Variants in ARPC2 observed in about 807,000 individuals in gnomAD.
ARPC2 encodes actin-related protein 2/3 complex subunit 2.
A neutral mutation model predicts 38.6 loss-of-function variants in ARPC2; 4 were observed. The observed-to-expected ratio is 0.10, with a 90% CI of 0.05 to 0.24. The LOEUF (loss-of-function observed/expected upper bound fraction) is 0.24, where lower values mean the gene tolerates loss of function less well. Ranked by LOEUF, ARPC2 falls within the 10% of genes least tolerant of loss-of-function variation. The pLI is 1.00. For synonymous variants in ARPC2, 125 were observed against 140.8 expected (o/e 0.89, Z 0.79); for missense variants, 229 against 387.3 (o/e 0.59, Z 3.43).
chr2:218,239,531 C>G lies in ARPC2; in HGVS notation c.549+47C>G, dbSNP rs751703795. 2.1e-6 allele frequency: 3 copies of G among 1,412,548 alleles called. No individual in the cohort carries two copies. The South Asian group carries it at 3.5e-5, about 16-fold the overall frequency. 87.5% of individuals were successfully genotyped at this position (1,412,548 alleles called of 1,614,324 possible). A position where few individuals can be genotyped will look rare whatever the true frequency, so the allele number is the denominator to read the frequency against. On this transcript the variant is annotated intron_variant, in intron 7 of 10. Coordinates refer to ENST00000315717, the MANE Select transcript of ARPC2 (RefSeq NM_152862.3). The stretch of plus-strand genomic sequence containing the variant: ...GGAAACCCATGCATGGCGACTTATA[C>G]CTTTGCACCCAAACATACCATGAGC...
At chr2:218,218,020 C>T (rs1689295855) in intron 2 of ARPC2, among the ~76,000 whole-genome samples, 2 of 152,144 alleles carry the variant, frequency 1.3e-5, no homozygotes, top group African/African-American at 4.8e-5. Flanking sequence ...ATTCTCGTTC[C>T]CCACCCCCAT....
chr2:218,237,045 A>G (rs1019298430), intron 5 of ARPC2, among the ~76,000 whole-genome samples: 5 of 152,170 alleles, frequency 3.3e-5, no homozygotes, highest in Admixed American at 3.3e-4. Context: ...CATAGTGGAC[A>G]TGCTGTAAAA....
intron 2 of ARPC2, among the ~76,000 whole-genome samples, chr2:218,218,577 C>T (rs1158740647): frequency 6.6e-6 from 1 of 152,254 alleles, no homozygotes; most frequent in Non-Finnish European, 1.5e-5. Flanking sequence ...TATGTATGAG[C>T]ATGGGGCTTC....
intron 3 of ARPC2, among the ~76,000 whole-genome samples, chr2:218,226,628 A>AG: frequency 6.0e-5 from 1 of 16,690 alleles, no homozygotes; most frequent in African/African-American, 7.2e-5. Context: ...CTCCATCTCA[A>AG]AAAAAAAAAA....
intron 4 of ARPC2, chr2:218,229,436 G>A (rs929695211): frequency 6.6e-6 from 1 of 152,238 alleles, no homozygotes; most frequent in African/African-American, 2.4e-5. Context: ...GCTCTGAGGA[G>A]AGCCATTTAT....
At position 218,239,617 on chromosome 2, in the gene ARPC2, G is replaced by T. The variant is rs1689861436; in HGVS notation, c.549+133G>T. 4 of 674,018 alleles carry T rather than the reference G, an allele frequency of 5.9e-6. No homozygotes were observed. The Middle Eastern group carries it at 7.5e-4, about 126-fold the overall frequency. 41.8% of individuals were successfully genotyped at this position (674,018 alleles called of 1,614,324 possible). Reference sequence around the variant, plus strand: ...AATTTTTTTTTTTTTTTTCGAGACGGAGTTTCTCTCTTGTTGCCCAGGCTG... The same window carrying T: ...AATTTTTTTTTTTTTTTTCGAGACGTAGTTTCTCTCTTGTTGCCCAGGCTG... On this transcript the variant is annotated intron_variant, in intron 7 of 10. Coordinates refer to ENST00000315717, the MANE Select transcript of ARPC2 (RefSeq NM_152862.3).
At chr2:218,242,212 A>G (rs1689932365) in intron 7 of ARPC2, among the ~76,000 whole-genome samples, 1 of 152,212 alleles carries the variant, frequency 6.6e-6, no homozygotes, top group Non-Finnish European at 1.5e-5. Context: ...CACTAGTGGT[A>G]TGGGCATATC....
At chr2:218,223,650 T>C (rs1304892031) in intron 2 of ARPC2, among the ~76,000 whole-genome samples, 3 of 152,208 alleles carry the variant, frequency 2.0e-5, no homozygotes, top group Non-Finnish European at 4.4e-5. Flanking sequence ...GTCCCCATTT[T>C]GTAGAAGAGG....
At chr2:218,217,643 G>T in intron 2 of ARPC2, 99 bp downstream of exon 2, 1 of 1,291,564 alleles carries the variant, frequency 7.7e-7, no homozygotes, top group Non-Finnish European at 1.1e-6. Flanking sequence ...GGAGAGAAAT[G>T]GGGTGCCTGG....
In ARPC2 at chr2:218,239,515, T is replaced by C. The variant is rs776166622; in HGVS notation, c.549+31T>C. The C allele has an allele frequency of 5.2e-6, 8 of 1,553,004 alleles. No homozygotes were observed. In the South Asian group the frequency reaches 6.7e-5, roughly 13 times the overall value. On this transcript the variant is annotated intron_variant, in intron 7 of 10. Coordinates refer to ENST00000315717, the MANE Select transcript of ARPC2 (RefSeq NM_152862.3). ...GAGCAGACATCTTGGGGGAAACCCA[T>C]GCATGGCGACTTATACCTTTGCACC...
chr2:218,223,062 G>A (rs1197781571), intron 2 of ARPC2, among the ~76,000 whole-genome samples: 4 of 152,180 alleles, frequency 2.6e-5, no homozygotes, highest in Non-Finnish European at 4.4e-5. Flanking sequence ...AAAAGACACC[G>A]TTTGAGAAAC....
chr2:218,242,774 T>A (rs934693839), intron 7 of ARPC2, among the ~76,000 whole-genome samples: 1 of 152,208 alleles, frequency 6.6e-6, no homozygotes, highest in African/African-American at 2.4e-5. Context: ...GACCATTTGA[T>A]TTTCTTATGA....
intron 5 of ARPC2, chr2:218,235,055 C>T (rs1456133173): frequency 3.4e-6 from 1 of 291,004 alleles, no homozygotes; most frequent in East Asian, 1.0e-4. Flanking sequence ...GTAGTAAGAC[C>T]ATTGGAACAT....
At chr2:218,230,612 G>T (rs904100588) in intron 4 of ARPC2, among the ~76,000 whole-genome samples, 2 of 152,016 alleles carry the variant, frequency 1.3e-5, no homozygotes, top group African/African-American at 4.8e-5. Flanking sequence ...TCGCTGCTTT[G>T]GATCAGCTAT....
Position 218,245,460 on chromosome 2 carries a change from A to G in ARPC2, c.590A>G (p.Gln197Arg). 6.2e-7 allele frequency: 1 copy of G among 1,614,162 alleles called. No individual in the cohort carries two copies. The highest frequency in any genetic ancestry group is 8.5e-7 in the Non-Finnish European group (1 of 1,180,026). The change falls in exon 8 of 11, where the codon CAG becomes CGG. Residue 197 changes from glutamine to arginine, a missense_variant. By Grantham distance (43) the Gln-to-Arg change is conservative. Around this residue, in one of 3 missense-constraint regions of ARPC2, gnomAD observed 92 missense variants for 152.3 expected, o/e 0.60. Coordinates refer to ENST00000315717, the MANE Select transcript of ARPC2 (RefSeq NM_152862.3). Reference sequence around the variant, plus strand: ...CGCAGAGCCAGCCACACAGCCCCACAGGTCCTCTTTAGCCACAGGGAACCT... The same window carrying G: ...CGCAGAGCCAGCCACACAGCCCCACGGGTCCTCTTTAGCCACAGGGAACCT... ...EGRRASHTAP[Q>R]VLFSHREPPL...
chr2:218,222,283 A>T (rs1263140542), intron 2 of ARPC2, among the ~76,000 whole-genome samples: 1 of 152,106 alleles, frequency 6.6e-6, no homozygotes, highest in Non-Finnish European at 1.5e-5. Context: ...AAAGAAAAAA[A>T]TGGGGAATTG....
intron 10 of ARPC2, among the ~76,000 whole-genome samples, chr2:218,250,442 T>C: frequency 6.6e-6 from 1 of 151,958 alleles, no homozygotes; most frequent in Non-Finnish European, 1.5e-5. Flanking sequence ...GATGGGTGGA[T>C]CACAGGGTCA....
intron 2 of ARPC2, among the ~76,000 whole-genome samples, chr2:218,225,401 G>A (rs1169251692): frequency 6.6e-6 from 1 of 152,204 alleles, no homozygotes; most frequent in African/African-American, 2.4e-5. Context: ...TGTAAAGGAA[G>A]AAAGAAAGAT....
intron 10 of ARPC2, among the ~76,000 whole-genome samples, chr2:218,253,660 T>C (rs997424424): frequency 4.6e-5 from 7 of 152,248 alleles, no homozygotes. Flanking sequence ...GGCTTAACAC[T>C]GATATTCCCG....
Sources: gnomAD v4.1 joint callset for allele counts (sites outside exome capture counted in the v4.1 genomes callset) on GRCh38, gnomAD v4.1.1 for gene constraint, gnomAD v4.1.1 regional missense constraint, MANE v1.5 for transcripts, NCBI Gene and HGNC (gene_info 2026-07-23, HGNC 2026-07-21) for gene names.